Variants in KIAA1549L observed in about 807,000 individuals in gnomAD.
KIAA1549L encodes the protein UPF0606 protein KIAA1549L.
A neutral mutation model predicts 160.7 loss-of-function variants in KIAA1549L; 88 were observed. The observed-to-expected ratio is 0.55, with a 90% CI of 0.46 to 0.65. KIAA1549L has a LOEUF of 0.65. KIAA1549L is among the 30% of genes least tolerant of loss of function. KIAA1549L has a pLI of 0.00. For missense variants in KIAA1549L, 2,258 were observed against 2,437.5 expected (o/e 0.93, Z 1.55); for synonymous variants, 950 against 976.7 (o/e 0.97, Z 0.51).
chr11:33,474,806 A>G (rs1203375944), intron 1 of KIAA1549L, among the ~76,000 whole-genome samples: 2 of 152,246 alleles, frequency 1.3e-5, no homozygotes, highest in African/African-American at 4.8e-5. Flanking sequence ...ATTGCTGCTC[A>G]GTTTATTTTG....
chr11:33,604,716 C>T (rs1445454498), intron 13 of KIAA1549L, among the ~76,000 whole-genome samples: 1 of 152,126 alleles, frequency 6.6e-6, no homozygotes, highest in Non-Finnish European at 1.5e-5. Context: ...AAACCAAATA[C>T]TATATATTCT....
At chr11:33,488,195 T>C (rs777598161) in intron 1 of KIAA1549L, among the ~76,000 whole-genome samples, 32 of 152,228 alleles carry the variant, frequency 2.1e-4, no homozygotes, top group Non-Finnish European at 2.9e-4. Flanking sequence ...ATGTTTGTAA[T>C]GCTCAAACTC....
At chr11:33,461,674 A>T (rs960425176) in intron 1 of KIAA1549L, among the ~76,000 whole-genome samples, 4 of 152,212 alleles carry the variant, frequency 2.6e-5, no homozygotes, top group African/African-American at 9.6e-5. Flanking sequence ...ATCTACCTAA[A>T]TAATAAAATC....
At chr11:33,550,283 GT>G (rs1429237097) in intron 4 of KIAA1549L, among the ~76,000 whole-genome samples, 1 of 151,304 alleles carries the variant, frequency 6.6e-6, no homozygotes, top group African/African-American at 2.4e-5. Flanking sequence ...TCTTTTCTCT[GT>G]TTTTCAAATA....
At position 33,551,069 on chromosome 11, in the gene KIAA1549L, C is replaced by T. The variant is rs1854444728; in HGVS notation, c.3531C>T (p.Val1177=). Residue 1177 remains valine, a synonymous_variant, in exon 5 of 21, where the codon GTC becomes GTT. Transcript: ENST00000658780. ...HVDILEYSHN[V]TVGYYATKGK... Reference sequence around the variant, plus strand: ...ACATTCTGGAATATTCTCATAATGTCACAGTTGGTTATTATGCTACCAAAG... The same window carrying T: ...ACATTCTGGAATATTCTCATAATGTTACAGTTGGTTATTATGCTACCAAAG... The T allele has an allele frequency of 1.2e-6, 2 of 1,613,894 alleles. No homozygotes were observed. The highest frequency in any genetic ancestry group is 1.7e-6 in the Non-Finnish European group (2 of 1,179,836).
intron 16 of KIAA1549L, among the ~76,000 whole-genome samples, chr11:33,619,527 A>G (rs1850905317): frequency 1.3e-5 from 2 of 152,376 alleles, no homozygotes; most frequent in Admixed American, 1.3e-4. Context: ...CTAATTGGAA[A>G]GCAACAATAT....
intron 1 of KIAA1549L, among the ~76,000 whole-genome samples, chr11:33,405,127 T>C (rs975233058): frequency 4.6e-5 from 7 of 152,182 alleles, no homozygotes; most frequent in African/African-American, 1.7e-4. Context: ...ATGAAACCAT[T>C]ATTCAACACC....
At chr11:33,591,200 C>G in intron 11 of KIAA1549L, 37 bp from the exon 12 acceptor site, 1 of 1,533,362 alleles carries the variant, frequency 6.5e-7, no homozygotes, top group Non-Finnish European at 8.9e-7. Flanking sequence ...TCACACTTCG[C>G]TAGAAATACG....
chr11:33,666,324 C>G (rs921535872), intron 20 of KIAA1549L, among the ~76,000 whole-genome samples: 8 of 152,206 alleles, frequency 5.3e-5, no homozygotes, highest in Non-Finnish European at 1.2e-4. Flanking sequence ...CCTGCTGCAG[C>G]CAGTATGATG....
intron 1 of KIAA1549L, among the ~76,000 whole-genome samples, chr11:33,463,500 A>G (rs998071181): frequency 6.6e-6 from 1 of 152,226 alleles, no homozygotes; most frequent in African/African-American, 2.4e-5. Flanking sequence ...TGGGTGAGAG[A>G]CCAAGCCCAT....
chr11:33,516,565 T>G (rs80226088), intron 1 of KIAA1549L, among the ~76,000 whole-genome samples: 2,796 of 152,344 alleles, frequency 0.018, 86 homozygotes, highest in African/African-American at 0.064. Context: ...CCAACTTTTC[T>G]TACTCCTATC....
rs568833602 is a variant in KIAA1549L, at chr11:33,627,500, C to T, written c.5409+8838C>T. On this transcript the variant is annotated intron_variant, in intron 16 of 20. Coordinates refer to ENST00000658780, the MANE Select transcript of KIAA1549L (RefSeq NM_012194.3). ...TTTAGTCTTCGGAGAGTGTATGTGT[C>T]GAGGAATTTATCCATTTCTTCTAGA... Among the ~76,000 whole-genome samples, 136 of 152,054 alleles carry T rather than the reference C, an allele frequency of 8.9e-4. 1 individual carries two copies. Among genetic ancestry groups the T allele is most frequent in the Middle Eastern group, 6.8e-3 (2 of 294 alleles).
intron 16 of KIAA1549L, among the ~76,000 whole-genome samples, chr11:33,624,087 T>C (rs1851031394): frequency 6.6e-6 from 1 of 152,144 alleles, no homozygotes; most frequent in Non-Finnish European, 1.5e-5. Flanking sequence ...AGGCAGCTTT[T>C]AAAGTTGGGC....
intron 1 of KIAA1549L, among the ~76,000 whole-genome samples, chr11:33,436,376 C>T (rs1486267922): frequency 6.6e-6 from 1 of 152,194 alleles, no homozygotes; most frequent in African/African-American, 2.4e-5. Context: ...ACTCTGAAGG[C>T]AAGAGACTAC....
In KIAA1549L at chr11:33,647,954, C is replaced by T. The variant is rs115855795; in HGVS notation, c.5760+1918C>T. On this transcript the variant is annotated intron_variant, in intron 17 of 20. Coordinates refer to ENST00000658780, the MANE Select transcript of KIAA1549L (RefSeq NM_012194.3). ...GGAAAAGGACTGTGAAATAACACAA[C>T]AGAGAGATGGGTCATCAAACCAGAA... Among the ~76,000 whole-genome samples, 1,333 of 152,192 alleles carry T rather than the reference C, an allele frequency of 8.8e-3. 22 individuals are homozygous for T. Among genetic ancestry groups the T allele is most frequent in the African/African-American group, 0.03 (1,246 of 41,520 alleles).
intron 1 of KIAA1549L, among the ~76,000 whole-genome samples, chr11:33,540,871 T>C (rs1037618898): frequency 6.6e-6 from 1 of 152,164 alleles, no homozygotes; most frequent in African/African-American, 2.4e-5. Context: ...GTTTCTCTTA[T>C]AAAATCAAGT....
chr11:33,607,411 C>T (rs939392333), intron 14 of KIAA1549L, among the ~76,000 whole-genome samples: 2 of 152,124 alleles, frequency 1.3e-5, no homozygotes, highest in Admixed American at 6.6e-5. Context: ...GTGATGATTT[C>T]ATCAAAGAAA....
At chr11:33,536,315 C>T (rs572157005) in intron 1 of KIAA1549L, among the ~76,000 whole-genome samples, 18 of 152,306 alleles carry the variant, frequency 1.2e-4, no homozygotes, top group African/African-American at 3.4e-4. Context: ...TCAGTTGGGA[C>T]GATTCAGACA....
intron 1 of KIAA1549L, among the ~76,000 whole-genome samples, chr11:33,538,035 GATC>G (rs1853931647): frequency 6.6e-6 from 1 of 152,202 alleles, no homozygotes; most frequent in Admixed American, 6.5e-5. Flanking sequence ...TTGACTCACA[GATC>G]AGCATGGCTG....
Sources: gnomAD v4.1 joint callset for allele counts (sites outside exome capture counted in the v4.1 genomes callset) on GRCh38, gnomAD v4.1.1 for gene constraint, MANE v1.5 for transcripts, NCBI Gene and HGNC (gene_info 2026-07-23, HGNC 2026-07-21) for gene names.